LTBP1: variants seen among roughly 807,000 people sequenced by gnomAD.
LTBP1 encodes latent transforming growth factor beta binding protein 1, also known as latent-transforming growth factor beta-binding protein 1.
Under a neutral mutation model 207.6 loss-of-function variants are expected in LTBP1, and 129 were observed. The observed-to-expected ratio is 0.62, with a 90% CI of 0.54 to 0.72. The LOEUF is 0.72. LTBP1 is among the 30% of genes least tolerant of loss of function. The pLI, the probability that LTBP1 is intolerant of heterozygous loss-of-function variation, is 0.00. For synonymous variants in LTBP1, 963 were observed against 833.7 expected, an observed-to-expected ratio of 1.16 and a Z score of -2.67; for missense variants, 2,281 against 2,217.2, an observed-to-expected ratio of 1.03 and a Z score of -0.58.
intron 5 of LTBP1, among the ~76,000 whole-genome samples, chr2:33,139,241 G>C (rs989525531): frequency 6.6e-6 from 1 of 152,046 alleles, no homozygotes; most frequent in South Asian, 2.1e-4. Flanking sequence ...GCAAATATGA[G>C]CCCTGTTGCT....
At chr2:33,193,111 T>C (rs964459633) in intron 7 of LTBP1, among the ~76,000 whole-genome samples, 1 of 152,132 alleles carries the variant, frequency 6.6e-6, no homozygotes, top group Non-Finnish European at 1.5e-5. Context: ...GGTAATAGTA[T>C]TGGGATTATG....
At chr2:33,296,215 C>A (rs1211070553) in intron 20 of LTBP1, among the ~76,000 whole-genome samples, 2 of 152,056 alleles carry the variant, frequency 1.3e-5, no homozygotes, top group African/African-American at 4.8e-5. Context: ...TATCTTCTTT[C>A]ATCCTAATCT....
intron 5 of LTBP1, among the ~76,000 whole-genome samples, chr2:33,143,792 T>G (rs752900391): frequency 0.039 from 5,921 of 152,058 alleles, 140 homozygotes; most frequent in Middle Eastern, 0.13. Context: ...TTGTTGTTTT[T>G]TTTTTTTTTC....
rs181601794 is a variant in LTBP1, at chr2:33,029,667, C to G, written c.863+8461C>G. Reference sequence around the variant, plus strand: ...GCTGCAGCAGAGTCATGACTTGAACCCAGGCTTCCTGACCTTTTGTTCCAT... The same window carrying G: ...GCTGCAGCAGAGTCATGACTTGAACGCAGGCTTCCTGACCTTTTGTTCCAT... On this transcript the variant is annotated intron_variant, in intron 3 of 33. Coordinates refer to ENST00000404816, the MANE Select transcript of LTBP1 (RefSeq NM_206943.4). Among the ~76,000 whole-genome samples the G allele has an allele frequency of 3.1e-3, 469 of 152,274 alleles. 3 individuals are homozygous for G. The highest frequency in any genetic ancestry group is 6.2e-3 in the South Asian group (30 of 4,824).
At chr2:33,373,524 CT>C (rs2095097276) in intron 31 of LTBP1, among the ~76,000 whole-genome samples, 1 of 152,136 alleles carries the variant, frequency 6.6e-6, no homozygotes, top group Non-Finnish European at 1.5e-5. Context: ...ATCCAACTTC[CT>C]TTGAGAAAGG....
intron 13 of LTBP1, among the ~76,000 whole-genome samples, chr2:33,262,413 C>T (rs900818536): frequency 6.6e-6 from 1 of 152,102 alleles, no homozygotes; most frequent in African/African-American, 2.4e-5. Flanking sequence ...AATATGGACC[C>T]CTGGGCCAAG....
chr2:33,364,137 C>A, intron 29 of LTBP1, 79 bp from the exon 30 acceptor site: 1 of 1,382,100 alleles, frequency 7.2e-7, no homozygotes, highest in Non-Finnish European at 1.0e-6. Context: ...CTAAATATAG[C>A]AATGTGTAAA....
intron 5 of LTBP1, among the ~76,000 whole-genome samples, chr2:33,175,344 G>A (rs1480403480): frequency 1.3e-5 from 2 of 151,910 alleles, no homozygotes; most frequent in Non-Finnish European, 2.9e-5. Context: ...GTGGGCGAAG[G>A]ATATGAACAG....
intron 23 of LTBP1, among the ~76,000 whole-genome samples, chr2:33,314,731 A>G (rs572989679): frequency 3.9e-5 from 6 of 152,180 alleles, no homozygotes; most frequent in East Asian, 3.9e-4. Flanking sequence ...CATCCTAGGG[A>G]TGGATAGGCA....
intron 4 of LTBP1, among the ~76,000 whole-genome samples, chr2:33,119,072 A>G (rs2080952669): frequency 1.3e-5 from 2 of 152,204 alleles, no homozygotes; most frequent in African/African-American, 4.8e-5. Context: ...AAGAGTTTAT[A>G]AGAAACAAGC....
At chr2:33,335,734 T>C (rs1167177101) in intron 24 of LTBP1, among the ~76,000 whole-genome samples, 1 of 152,194 alleles carries the variant, frequency 6.6e-6, no homozygotes, top group African/African-American at 2.4e-5. Flanking sequence ...TTTAACATCT[T>C]TCACTCCCAC....
intron 5 of LTBP1, among the ~76,000 whole-genome samples, chr2:33,138,704 G>A (rs2082340431): frequency 6.6e-6 from 1 of 151,990 alleles, no homozygotes; most frequent in Admixed American, 6.6e-5. Flanking sequence ...CTGTCACTTG[G>A]TATAACTTAT....
chr2:33,011,546 A>G (rs1028529829), intron 2 of LTBP1, among the ~76,000 whole-genome samples: 2 of 152,098 alleles, frequency 1.3e-5, no homozygotes, highest in Non-Finnish European at 2.9e-5. Context: ...AGTCACAGGG[A>G]GAAGACGGCC....
intron 24 of LTBP1, among the ~76,000 whole-genome samples, chr2:33,328,058 C>G (rs1375596230): frequency 6.6e-6 from 1 of 151,494 alleles, no homozygotes; most frequent in East Asian, 1.9e-4. Flanking sequence ...TTGCTTGAAA[C>G]CGGAAGGTGA....
chr2:33,326,568 A>G (rs189091851), intron 24 of LTBP1, among the ~76,000 whole-genome samples: 4 of 152,176 alleles, frequency 2.6e-5, no homozygotes, highest in Admixed American at 2.6e-4. Flanking sequence ...GGGATGATAA[A>G]GAGAGAATCT....
intron 5 of LTBP1, among the ~76,000 whole-genome samples, chr2:33,147,459 G>C (rs2083147629): frequency 6.6e-6 from 1 of 152,130 alleles, no homozygotes; most frequent in Non-Finnish European, 1.5e-5. Flanking sequence ...AGTTGTAAAG[G>C]TCTAAACTAT....
At chr2:33,139,033 T>A (rs1451992646) in intron 5 of LTBP1, among the ~76,000 whole-genome samples, 2 of 150,816 alleles carry the variant, frequency 1.3e-5, no homozygotes, top group South Asian at 2.1e-4. Flanking sequence ...TAATTTTTTG[T>A]ATTTTTAGTA....
chr2:33,125,722 C>T lies in LTBP1; in HGVS notation c.1034-9071C>T, dbSNP rs181235509. Among the ~76,000 whole-genome samples, 1,001 of 151,142 alleles carry T rather than the reference C, an allele frequency of 6.6e-3. 8 individuals are homozygous for T. The highest frequency in any genetic ancestry group is 0.013 in the African/African-American group (522 of 41,090). ...GCAGGTGCCTGTAGTCCCAGCTGCTCGGGAGGCTGAGGCAGGAGAATCAGT... is the reference window on the plus strand; with the variant it reads ...GCAGGTGCCTGTAGTCCCAGCTGCTTGGGAGGCTGAGGCAGGAGAATCAGT... On this transcript the variant is annotated intron_variant, in intron 4 of 33. Coordinates refer to ENST00000404816, the MANE Select transcript of LTBP1 (RefSeq NM_206943.4).
At chr2:33,048,912 A>AG (rs2076583152) in intron 3 of LTBP1, among the ~76,000 whole-genome samples, 1 of 152,206 alleles carries the variant, frequency 6.6e-6, no homozygotes, top group East Asian at 1.9e-4. Flanking sequence ...TTTTTATAAA[A>AG]GACAAACATT....
Sources: gnomAD v4.1 joint callset for allele counts (sites outside exome capture counted in the v4.1 genomes callset) on GRCh38, gnomAD v4.1.1 for gene constraint, MANE v1.5 for transcripts, NCBI Gene and HGNC (gene_info 2026-07-23, HGNC 2026-07-21) for gene names.